The following SNTG1 variants were observed in gnomAD, a reference collection of about 807,000 sequenced individuals.
The protein encoded by SNTG1 is syntrophin gamma 1.
Under a neutral mutation model 74.7 loss-of-function variants are expected in SNTG1, and 39 were observed. The ratio of observed to expected loss-of-function variants is 0.52; its 90% CI spans 0.40 to 0.68. SNTG1 has a LOEUF of 0.68. Among genes scored for constraint, SNTG1 ranks in the 30% least tolerant of loss-of-function variants. SNTG1 has a pLI of 0.00. For synonymous variants in SNTG1, 254 were observed against 217.1 expected (o/e 1.17, Z -1.49); for missense variants, 685 against 609.5 (o/e 1.12, Z -1.30).
At chr8:49,918,994 G>A (rs190318007) in intron 1 of SNTG1, among the ~76,000 whole-genome samples, 5 of 152,156 alleles carry the variant, frequency 3.3e-5, no homozygotes, top group East Asian at 3.9e-4. Context: ...AATACTATCC[G>A]CATTCTTCAG....
At chr8:50,570,114 T>C (rs1356881103) in intron 12 of SNTG1, among the ~76,000 whole-genome samples, 3 of 151,920 alleles carry the variant, frequency 2.0e-5, no homozygotes, top group African/African-American at 2.4e-5. Context: ...AGTTTTAATA[T>C]TGGAAATTAT....
At chr8:50,579,766 T>C (rs1409248779) in intron 12 of SNTG1, among the ~76,000 whole-genome samples, 11 of 152,310 alleles carry the variant, frequency 7.2e-5, no homozygotes, top group Middle Eastern at 3.4e-3. Flanking sequence ...AAAACAAAAA[T>C]TGAGGTTTGG....
At chr8:50,442,680 T>TAAAAAAAAAAAAAAAAAAA (rs5891365) in intron 5 of SNTG1, among the ~76,000 whole-genome samples, 5 of 81,170 alleles carry the variant, frequency 6.2e-5, no homozygotes, top group African/African-American at 1.5e-4. Flanking sequence ...TGTCTATCAG[T>TAAAAAAAAAAAAAAAAAAA]AAAAAAAAAA....
chr8:49,927,002 T>G (rs556093271), intron 1 of SNTG1, among the ~76,000 whole-genome samples: 1 of 152,254 alleles, frequency 6.6e-6, no homozygotes, highest in African/African-American at 2.4e-5. Context: ...GCTCAACACC[T>G]TATGTCATTA....
chr8:50,291,877 A>C (rs1736811109), intron 2 of SNTG1, among the ~76,000 whole-genome samples: 1 of 152,262 alleles, frequency 6.6e-6, no homozygotes, highest in Admixed American at 6.5e-5. Context: ...GATCTGATCT[A>C]TGTGAGAGAA....
At chr8:50,485,839 A>AT (rs1345305899) in intron 8 of SNTG1, among the ~76,000 whole-genome samples, 1 of 148,598 alleles carries the variant, frequency 6.7e-6, no homozygotes, top group East Asian at 2.0e-4. Context: ...TCTTGAATTG[A>AT]TTTTTGTATA....
At chr8:50,493,485 T>C (rs1291683310) in intron 8 of SNTG1, among the ~76,000 whole-genome samples, 3 of 152,142 alleles carry the variant, frequency 2.0e-5, no homozygotes, top group Middle Eastern at 3.2e-3. Context: ...TTTAAAACAA[T>C]TGGCAAACCT....
At chr8:50,661,045 A>G (rs1373719510) in intron 15 of SNTG1, among the ~76,000 whole-genome samples, 1 of 152,168 alleles carries the variant, frequency 6.6e-6, no homozygotes, top group Non-Finnish European at 1.5e-5. Context: ...TATTGCTATC[A>G]GGCATATCAC....
At chr8:50,237,413 G>A (rs1054559524) in intron 2 of SNTG1, among the ~76,000 whole-genome samples, 2 of 151,934 alleles carry the variant, frequency 1.3e-5, no homozygotes, top group Non-Finnish European at 2.9e-5. Flanking sequence ...TCATGAATTT[G>A]GCCATCATTG....
chr8:50,334,350 C>A (rs2091068416), intron 2 of SNTG1, among the ~76,000 whole-genome samples: 1 of 152,068 alleles, frequency 6.6e-6, no homozygotes, highest in East Asian at 1.9e-4. Flanking sequence ...TTGTTTTAAG[C>A]CAGTAACTTT....
intron 13 of SNTG1, among the ~76,000 whole-genome samples, chr8:50,614,428 C>G (rs2094872665): frequency 1.3e-5 from 2 of 151,876 alleles, no homozygotes; most frequent in African/African-American, 4.8e-5. Flanking sequence ...TTTTATTTTA[C>G]CATCTAAGGA....
intron 2 of SNTG1, among the ~76,000 whole-genome samples, chr8:50,288,378 G>C (rs748866768): frequency 6.6e-6 from 1 of 152,062 alleles, no homozygotes; most frequent in Non-Finnish European, 1.5e-5. Flanking sequence ...TTGATTTACT[G>C]GTCTAATTGG....
rs1001576397 is a variant in SNTG1, at chr8:50,483,821, C to T, written c.364-18957C>T. On this transcript the variant is annotated intron_variant, in intron 8 of 18. Coordinates refer to ENST00000642720, the MANE Select transcript of SNTG1 (RefSeq NM_018967.5). ...CTTTGTTTTTCAGATCTTGATAATT[C>T]TTTATGCTTGAAATAACCTATACAA... 2.6e-5 allele frequency among the ~76,000 whole-genome samples: 4 copies of T among 152,130 alleles called. No homozygotes were observed. In the South Asian group the frequency reaches 8.3e-4, roughly 31 times the overall value.
chr8:49,958,505 T>A (rs539070637), intron 1 of SNTG1, among the ~76,000 whole-genome samples: 1 of 150,882 alleles, frequency 6.6e-6, no homozygotes, highest in South Asian at 2.1e-4. Context: ...CACTGCAACC[T>A]CCACCTCCAG....
intron 1 of SNTG1, among the ~76,000 whole-genome samples, chr8:50,063,385 C>T (rs1820637961): frequency 6.6e-6 from 1 of 152,166 alleles, no homozygotes; most frequent in Non-Finnish European, 1.5e-5. Flanking sequence ...TATCAAAAGA[C>T]ACATGCTTAT....
At chr8:50,314,538 A>G (rs1186472234) in intron 2 of SNTG1, among the ~76,000 whole-genome samples, 4 of 149,720 alleles carry the variant, frequency 2.7e-5, no homozygotes, top group South Asian at 4.5e-4. Context: ...GAGCCTTATT[A>G]GGCACACCAA....
At chr8:50,716,825 C>T (rs577247052) in intron 17 of SNTG1, among the ~76,000 whole-genome samples, 3 of 151,888 alleles carry the variant, frequency 2.0e-5, no homozygotes, top group South Asian at 2.1e-4. Context: ...CTCCACCTCC[C>T]GGGTTCACGC....
chr8:50,444,764 AAAAG>A (rs558763881), intron 5 of SNTG1, among the ~76,000 whole-genome samples: 1 of 140,240 alleles, frequency 7.1e-6, no homozygotes, highest in African/African-American at 2.7e-5. Context: ...AAAAAAAAAA[AAAAG>A]AAAGAGATAA....
At chr8:50,277,953 C>A (rs1229591976) in intron 2 of SNTG1, among the ~76,000 whole-genome samples, 1 of 152,176 alleles carries the variant, frequency 6.6e-6, no homozygotes, top group Non-Finnish European at 1.5e-5. Context: ...GCAAGTGGAT[C>A]ACTTGAGGTC....
Sources: allele counts gnomAD v4.1 joint callset (sites outside exome capture counted in the v4.1 genomes callset), GRCh38; gene constraint gnomAD v4.1.1; transcripts MANE v1.5; gene names NCBI Gene and HGNC (gene_info 2026-07-23, HGNC 2026-07-21).